SGSM1: variants seen among roughly 807,000 people sequenced by gnomAD.
SGSM1 encodes RUN and TBC1 domain containing 2.
A neutral mutation model predicts 133.8 loss-of-function variants in SGSM1; 73 were observed. That is an observed-to-expected ratio of 0.55 (90% confidence interval 0.45 to 0.66). The LOEUF is 0.66. SGSM1 is among the 30% of genes least tolerant of loss of function. The pLI is 0.00. For synonymous variants in SGSM1, 563 were observed against 573.0 expected (o/e 0.98, Z 0.25); for missense variants, 1,213 against 1,448.1 (o/e 0.84, Z 2.64).
rs1249904612 is a variant in SGSM1, at chr22:24,926,427, A to G, written c.*2153A>G. 1 of 151,948 alleles carries G rather than the reference A, an allele frequency of 6.6e-6. No homozygotes were observed. The highest frequency in any genetic ancestry group is 1.5e-5 in the Non-Finnish European group (1 of 68,020). The allele number at this position is 151,948 out of a possible 1,614,324, so 9.4% of individuals were successfully genotyped here. A position where few individuals can be genotyped will look rare whatever the true frequency, so the allele number is the denominator to read the frequency against. On this transcript the variant is annotated 3_prime_UTR_variant, in exon 25 of 25. Transcript: ENST00000400358. ...CCTCCCCTACGTCCCCTAGCTTCCC[A>G]AGACAGGAAGAAATGTGCAAAAGGC...
chr22:24,869,215 G>C (rs909873556), intron 12 of SGSM1, among the ~76,000 whole-genome samples: 1 of 152,094 alleles, frequency 6.6e-6, no homozygotes, highest in African/African-American at 2.4e-5. Flanking sequence ...GGGATTAAAC[G>C]AGGTAAGGCG....
At chr22:24,870,393 C>A (rs1384539455) in intron 12 of SGSM1, among the ~76,000 whole-genome samples, 2 of 152,242 alleles carry the variant, frequency 1.3e-5, no homozygotes, top group Non-Finnish European at 2.9e-5. Context: ...AGCCAGTTAT[C>A]AGAGAGGGCC....
chr22:24,876,188 C>T (rs1932015474), intron 12 of SGSM1, among the ~76,000 whole-genome samples: 1 of 152,226 alleles, frequency 6.6e-6, no homozygotes, highest in Non-Finnish European at 1.5e-5. Flanking sequence ...CCTTCCATCT[C>T]AGCCATGAGG....
At chr22:24,817,438 C>T (rs764702526) in intron 2 of SGSM1, among the ~76,000 whole-genome samples, 2 of 151,848 alleles carry the variant, frequency 1.3e-5, no homozygotes, top group Non-Finnish European at 1.5e-5. Context: ...CTGCAACCTC[C>T]GCCTCCTGGG....
chr22:24,894,844 T>C (rs998553233), intron 17 of SGSM1, among the ~76,000 whole-genome samples: 1 of 151,738 alleles, frequency 6.6e-6, no homozygotes, highest in African/African-American at 2.4e-5. Flanking sequence ...GACTATGAGG[T>C]TATAGGGCAG....
At chr22:24,849,548 G>A (rs186332629) in intron 4 of SGSM1, among the ~76,000 whole-genome samples, 17 of 152,246 alleles carry the variant, frequency 1.1e-4, no homozygotes, top group East Asian at 3.9e-4. Context: ...GTGAAACTCC[G>A]TCTCAAAACA....
chr22:24,924,899 G>C lies in SGSM1; in HGVS notation c.*625G>C, dbSNP rs1934143445. The C allele has an allele frequency of 6.6e-6, 1 of 152,666 alleles. No individual in the cohort carries two copies. The highest frequency in any genetic ancestry group is 1.5e-5 in the Non-Finnish European group (1 of 68,430). 9.5% of individuals were successfully genotyped at this position (152,666 alleles called of 1,614,324 possible). A position where few individuals can be genotyped will look rare whatever the true frequency, so the allele number is the denominator to read the frequency against. On this transcript the variant is annotated 3_prime_UTR_variant, in exon 25 of 25. Transcript: ENST00000400358. The stretch of plus-strand genomic sequence containing the variant: ...ATCCCCCAACCATACCCCTGGTTGT[G>C]ACAGCCCCCAAAAATGTCTCTAGAC...
At chr22:24,874,347 A>T (rs550824650) in intron 12 of SGSM1, 1 of 1,495,808 alleles carries the variant, frequency 6.7e-7, no homozygotes, top group Middle Eastern at 1.8e-4. Context: ...TGGCTCTTCC[A>T]GCTGTCTCAG....
intron 5 of SGSM1, among the ~76,000 whole-genome samples, chr22:24,854,714 G>A (rs1174892390): frequency 6.6e-6 from 1 of 152,212 alleles, no homozygotes; most frequent in Non-Finnish European, 1.5e-5. Context: ...TAATTAGGAG[G>A]CTGAAGTGGA....
intron 2 of SGSM1, chr22:24,843,956 T>C (rs1009857761): frequency 5.3e-5 from 8 of 152,212 alleles, no homozygotes; most frequent in Non-Finnish European, 1.2e-4. Context: ...AGAAACCCAC[T>C]TGGGAGGTCT....
At chr22:24,920,886 A>G (rs1254614822) in intron 24 of SGSM1, among the ~76,000 whole-genome samples, 3 of 152,138 alleles carry the variant, frequency 2.0e-5, no homozygotes, top group African/African-American at 4.8e-5. Context: ...ACCCTGGTAC[A>G]TTTGCCAAAA....
At chr22:24,867,028 C>T (rs930874726) in intron 9 of SGSM1, 65 bp from the exon 10 acceptor site, 4 of 1,533,766 alleles carry the variant, frequency 2.6e-6, no homozygotes, top group Middle Eastern at 3.5e-4. Context: ...CTGCTGGCCT[C>T]TGAGCCCCTC....
chr22:24,855,116 G>A, intron 6 of SGSM1, 53 bp downstream of exon 6: 1 of 1,584,362 alleles, frequency 6.3e-7, no homozygotes. Flanking sequence ...TTGAGTCTGA[G>A]GGGCACCTTC....
chr22:24,862,997 G>A (rs192418193), intron 9 of SGSM1, among the ~76,000 whole-genome samples: 1 of 152,160 alleles, frequency 6.6e-6, no homozygotes. Context: ...TTGGACTTGA[G>A]CCCAGGGTTG....
At chr22:24,890,207 T>C (rs556695737) in intron 16 of SGSM1, among the ~76,000 whole-genome samples, 16 of 152,196 alleles carry the variant, frequency 1.1e-4, no homozygotes, top group South Asian at 2.1e-4. Context: ...CCGCCCGCCT[T>C]GGCCTCCCAA....
intron 4 of SGSM1, among the ~76,000 whole-genome samples, chr22:24,849,987 A>T (rs2147843574): frequency 6.6e-6 from 1 of 152,208 alleles, no homozygotes; most frequent in East Asian, 1.9e-4. Context: ...AAGGATCTAT[A>T]CTCCAAGACT....
At chr22:24,852,858 G>A (rs1273527919) in intron 5 of SGSM1, among the ~76,000 whole-genome samples, 1 of 152,158 alleles carries the variant, frequency 6.6e-6, no homozygotes, top group East Asian at 1.9e-4. Context: ...AGTGAAAAGT[G>A]TTTTGATGTA....
intron 2 of SGSM1, among the ~76,000 whole-genome samples, chr22:24,822,903 A>G (rs575428496): frequency 6.6e-6 from 1 of 152,342 alleles, no homozygotes; most frequent in Non-Finnish European, 1.5e-5. Context: ...AAATGGGAAT[A>G]ATAACAATGA....
chr22:24,900,413 T>TTCTTTCTCTTTCTTTCTTTCTTTCTTTC (rs1555935573), intron 19 of SGSM1, among the ~76,000 whole-genome samples: 1 of 141,850 alleles, frequency 7.0e-6, no homozygotes, highest in African/African-American at 2.9e-5. Context: ...CTTTCTGTAT[T>TTCTTTCTCTTTCTTTCTTTCTTTCTTTC]TTTGAGACAG....
Sources: allele counts gnomAD v4.1 joint callset (sites outside exome capture counted in the v4.1 genomes callset), GRCh38; gene constraint gnomAD v4.1.1; transcripts MANE v1.5; gene names NCBI Gene and HGNC (gene_info 2026-07-23, HGNC 2026-07-21).